Variants in RBFOX1 observed in about 807,000 individuals in gnomAD.
RBFOX1 encodes RNA binding protein fox-1 homolog 1.
Under a neutral mutation model 57.7 loss-of-function variants are expected in RBFOX1, and 8 were observed. That is an observed-to-expected ratio of 0.14 (90% CI 0.08 to 0.25). The LOEUF is 0.25. RBFOX1 is among the 10% of genes least tolerant of loss of function. The pLI is 1.00. For missense variants in RBFOX1, 611 were observed against 548.5 expected, an observed-to-expected ratio of 1.11 and a Z score of -1.14; for synonymous variants, 326 against 222.4, an observed-to-expected ratio of 1.47 and a Z score of -4.15.
intron 1 of RBFOX1, among the ~76,000 whole-genome samples, chr16:5,441,785 T>C (rs2068092504): frequency 6.6e-6 from 1 of 152,156 alleles, no homozygotes. Context: ...AGAAGAAGAA[T>C]GAGTGCCCAG....
At chr16:7,194,032 G>C (rs760270334) in intron 4 of RBFOX1, among the ~76,000 whole-genome samples, 14 of 151,974 alleles carry the variant, frequency 9.2e-5, no homozygotes, top group Admixed American at 3.3e-4. Flanking sequence ...ATTTAGACGG[G>C]TATACATGAT....
At chr16:7,707,594 T>C (rs1306286957) in intron 14 of RBFOX1, among the ~76,000 whole-genome samples, 2 of 152,174 alleles carry the variant, frequency 1.3e-5, no homozygotes, top group African/African-American at 4.8e-5. Flanking sequence ...CTGTGAATGT[T>C]GGTTGCTAAC....
intron 2 of RBFOX1, among the ~76,000 whole-genome samples, chr16:6,578,262 C>T (rs2097474534): frequency 6.6e-6 from 1 of 152,058 alleles, no homozygotes; most frequent in African/African-American, 2.4e-5. Flanking sequence ...ACACTTTTTT[C>T]AGGGGCATAA....
chr16:6,791,202 C>T (rs116052245), intron 3 of RBFOX1, among the ~76,000 whole-genome samples: 2,537 of 152,190 alleles, frequency 0.017, 86 homozygotes, highest in African/African-American at 0.058. Flanking sequence ...CCACCACACC[C>T]GGCCTGTTCT....
chr16:5,949,682 G>A (rs372505629), intron 4 of RBFOX1, among the ~76,000 whole-genome samples: 2 of 152,086 alleles, frequency 1.3e-5, no homozygotes, highest in African/African-American at 4.8e-5. Context: ...GAATGGTCAA[G>A]CCATTTGTTT....
At chr16:5,329,817 G>T (rs2064696195) in intron 1 of RBFOX1, among the ~76,000 whole-genome samples, 1 of 152,102 alleles carries the variant, frequency 6.6e-6, no homozygotes. Flanking sequence ...GGCTAACATG[G>T]TGAAACCCCG....
chr16:7,465,786 G>A (rs536374664), intron 4 of RBFOX1, among the ~76,000 whole-genome samples: 155 of 152,294 alleles, frequency 1.0e-3, no homozygotes, highest in South Asian at 2.1e-3. Flanking sequence ...CCAGGAATAT[G>A]CATTTATAAC....
intron 1 of RBFOX1, among the ~76,000 whole-genome samples, chr16:6,316,227 T>G (rs1248482210): frequency 6.6e-6 from 1 of 152,134 alleles, no homozygotes; most frequent in Admixed American, 6.6e-5. Flanking sequence ...CTACCAGAAC[T>G]CTTGATTTTT....
intron 14 of RBFOX1, among the ~76,000 whole-genome samples, chr16:7,691,214 G>T (rs1483709983): frequency 6.6e-6 from 1 of 151,784 alleles, no homozygotes; most frequent in Non-Finnish European, 1.5e-5. Context: ...ACTCTGCCTT[G>T]AAACAGATGT....
intron 1 of RBFOX1, among the ~76,000 whole-genome samples, chr16:6,232,110 A>G (rs17139623): frequency 0.2 from 30,184 of 152,154 alleles, 3,749 homozygotes; most frequent in East Asian, 0.44. Flanking sequence ...ATGCTGATCC[A>G]TTTCCTTAAA....
At chr16:6,383,488 C>T (rs1384422524) in intron 2 of RBFOX1, among the ~76,000 whole-genome samples, 3 of 152,140 alleles carry the variant, frequency 2.0e-5, no homozygotes, top group Non-Finnish European at 2.9e-5. Flanking sequence ...AGAAAAACAG[C>T]ACAGGGCTGG....
chr16:6,957,116 TTTTATTTATTTA>T (rs59003078), intron 3 of RBFOX1, among the ~76,000 whole-genome samples: 2 of 139,244 alleles, frequency 1.4e-5, no homozygotes, highest in Non-Finnish European at 1.5e-5. Flanking sequence ...TTATTTTTAT[TTTTATTTATTTA>T]TTTATTTATT....
chr16:7,043,588 T>A (rs1319885638), intron 3 of RBFOX1, among the ~76,000 whole-genome samples: 3 of 152,240 alleles, frequency 2.0e-5, no homozygotes, highest in Non-Finnish European at 4.4e-5. Context: ...CCAATTGATT[T>A]GATATATTGA....
chr16:6,623,867 C>G (rs893888406), intron 2 of RBFOX1, among the ~76,000 whole-genome samples: 1 of 152,062 alleles, frequency 6.6e-6, no homozygotes, highest in African/African-American at 2.4e-5. Flanking sequence ...GGGTTGGTTC[C>G]AAGTCTTTGC....
rs141163660 is a variant in RBFOX1, at chr16:5,907,912, A to G, written c.351+40577A>G. ...ATTACAGGCATGCACCACCATGCCCAGCTAATTTTTTTACTGTTAGTAGAG... is the reference window on the plus strand; with the variant it reads ...ATTACAGGCATGCACCACCATGCCCGGCTAATTTTTTTACTGTTAGTAGAG... On this transcript the variant is annotated intron_variant, in intron 4 of 19. Coordinates refer to the RBFOX1 transcript ENST00000641259. Among the ~76,000 whole-genome samples the G allele has an allele frequency of 5.1e-3, 769 of 151,736 alleles. 8 individuals are homozygous for G. Among genetic ancestry groups the G allele is most frequent in the African/African-American group, 0.017 (707 of 41,278 alleles).
chr16:6,121,603 C>G (rs1428135193), intron 1 of RBFOX1, among the ~76,000 whole-genome samples: 3 of 152,134 alleles, frequency 2.0e-5, no homozygotes, highest in Middle Eastern at 3.2e-3. Context: ...AGGGAGCATT[C>G]CTGCTCATCC....
intron 3 of RBFOX1, among the ~76,000 whole-genome samples, chr16:5,735,271 C>T (rs1208021547): frequency 6.6e-6 from 1 of 152,196 alleles, no homozygotes; most frequent in Non-Finnish European, 1.5e-5. Flanking sequence ...TCAAGCCACT[C>T]TGCATTTCAT....
At chr16:6,973,299 C>A (rs1158699032) in intron 3 of RBFOX1, among the ~76,000 whole-genome samples, 6 of 152,130 alleles carry the variant, frequency 3.9e-5, no homozygotes, top group Non-Finnish European at 7.3e-5. Context: ...TCTTATGTGC[C>A]ATGCAGACAA....
chr16:7,166,993 T>TTTTTTTTTTTTTTTTTTTTTTC, intron 4 of RBFOX1, among the ~76,000 whole-genome samples: 1 of 127,336 alleles, frequency 7.9e-6, no homozygotes, highest in African/African-American at 3.2e-5. Context: ...TTTTTTTTTT[T>TTTTTTTTTTTTTTTTTTTTTTC]TTTTTTTTTT....
Sources: gnomAD v4.1 joint callset for allele counts (sites outside exome capture counted in the v4.1 genomes callset) on GRCh38, gnomAD v4.1.1 for gene constraint, MANE v1.5 for transcripts, NCBI Gene and HGNC (gene_info 2026-07-23, HGNC 2026-07-21) for gene names.